WDPCP: variants seen among roughly 807,000 people sequenced by gnomAD.
WDPCP encodes WD repeat containing planar cell polarity effector, also known as WD repeat-containing and planar cell polarity effector protein fritz homolog.
In WDPCP, 71 loss-of-function variants were observed where a neutral mutation model predicts 93.1. The ratio of observed to expected loss-of-function variants is 0.76; its 90% CI spans 0.63 to 0.93. The LOEUF (loss-of-function observed/expected upper bound fraction) is 0.93. Ranked by LOEUF, WDPCP falls within the 40% of genes least tolerant of loss-of-function variation. The pLI is 0.00. For missense variants in WDPCP, 844 were observed against 887.4 expected (o/e 0.95, Z 0.62); for synonymous variants, 315 against 315.0 (o/e 1.00, Z 0.00).
At chr2:63,793,722 G>A (rs1670576005) in intron 2 of WDPCP, among the ~76,000 whole-genome samples, 1 of 152,170 alleles carries the variant, frequency 6.6e-6, no homozygotes, top group South Asian at 2.1e-4. Context: ...GACTGAAAAT[G>A]ACTATGAATG....
chr2:63,357,479 G>C (rs2104616952), intron 12 of WDPCP, among the ~76,000 whole-genome samples: 1 of 152,122 alleles, frequency 6.6e-6, no homozygotes, highest in East Asian at 1.9e-4. Context: ...CTCAAAAGAA[G>C]ACATACATGC....
chr2:63,286,513 C>T lies in WDPCP; in HGVS notation c.1812+26735G>A, dbSNP rs1350341113. The stretch of plus-strand genomic sequence containing the variant: ...CCCAAAACATTGCTCCTAACTCCAC[C>T]GCCTATCCCAAAACCTGTAAGAACT... On this transcript the variant is annotated intron_variant, in intron 13 of 17. Transcript: ENST00000272321. 2.6e-5 allele frequency among the ~76,000 whole-genome samples: 4 copies of T among 152,272 alleles called. No individual in the cohort carries two copies. In the South Asian group the frequency reaches 6.2e-4, roughly 24 times the overall value.
At chr2:63,347,085 G>A (rs1311106582) in intron 12 of WDPCP, among the ~76,000 whole-genome samples, 1 of 152,092 alleles carries the variant, frequency 6.6e-6, no homozygotes, top group Non-Finnish European at 1.5e-5. Flanking sequence ...AATAGCCACA[G>A]TAACAACAAC....
At chr2:63,494,060 A>G (rs1701056343) in intron 1 of WDPCP, among the ~76,000 whole-genome samples, 1 of 152,088 alleles carries the variant, frequency 6.6e-6, no homozygotes, top group South Asian at 2.1e-4. Context: ...TCATCCTTAC[A>G]TTTATTTGAC....
At chr2:63,397,275 C>T (rs369967473) in intron 10 of WDPCP, among the ~76,000 whole-genome samples, 8 of 152,186 alleles carry the variant, frequency 5.3e-5, no homozygotes, top group Non-Finnish European at 8.8e-5. Flanking sequence ...GATTCTAGAA[C>T]GACTTTTGAC....
rs185024497 is a variant in WDPCP, at chr2:63,635,338, T to C, written n.488+15321A>G. Among the ~76,000 whole-genome samples the C allele has an allele frequency of 6.2e-3, 950 of 152,186 alleles. 5 individuals are homozygous for C. Among genetic ancestry groups the C allele is most frequent in the Non-Finnish European group, 0.01 (713 of 67,988 alleles). On this transcript the variant is annotated intron_variant and non_coding_transcript_variant, in intron 3 of 4. Transcript: ENST00000467687. ...TCTTTCTCAAACTCTTCCAGAAAAT[T>C]GAAGAGGAGAGAACACTTCCAACCT...
intron 12 of WDPCP, among the ~76,000 whole-genome samples, chr2:63,360,540 T>C (rs2104652731): frequency 6.6e-6 from 1 of 152,376 alleles, no homozygotes; most frequent in Admixed American, 6.5e-5. Flanking sequence ...ATCCAGTGAA[T>C]AATCTCCATT....
intron 1 of WDPCP, among the ~76,000 whole-genome samples, chr2:63,577,824 T>A (rs1471615199): frequency 6.6e-6 from 1 of 152,206 alleles, no homozygotes; most frequent in Non-Finnish European, 1.5e-5. Context: ...GTTAATGTAT[T>A]TAAATTTTTT....
chr2:63,702,345 G>A (rs1337487505), intron 2 of WDPCP, among the ~76,000 whole-genome samples: 1 of 152,120 alleles, frequency 6.6e-6, no homozygotes, highest in Non-Finnish European at 1.5e-5. Flanking sequence ...TATTTAAGGT[G>A]ATGGATCTTC....
At chr2:63,722,484 T>C (rs1669432636) in intron 2 of WDPCP, among the ~76,000 whole-genome samples, 1 of 142,416 alleles carries the variant, frequency 7.0e-6, no homozygotes, top group Non-Finnish European at 1.5e-5. Flanking sequence ...GAGGAGCCCC[T>C]CCGCCCGGCA....
intron 1 of WDPCP, among the ~76,000 whole-genome samples, chr2:63,825,560 TATTCTCTGCTAACAAACTAC>T (rs1170448632): frequency 7.2e-6 from 1 of 139,392 alleles, no homozygotes; most frequent in Non-Finnish European, 1.6e-5. Context: ...TCCCACTCTC[TATTCTCTGCTAACAAACTAC>T]ATTCTTCTGC....
chr2:63,338,182 G>A (rs1471355630), intron 12 of WDPCP, among the ~76,000 whole-genome samples: 1 of 152,110 alleles, frequency 6.6e-6, no homozygotes, highest in Non-Finnish European at 1.5e-5. Flanking sequence ...TGTGTATGGT[G>A]AGAGATGGGG....
chr2:63,687,774 G>A, intron 2 of WDPCP, among the ~76,000 whole-genome samples: 1 of 152,150 alleles, frequency 6.6e-6, no homozygotes, highest in East Asian at 1.9e-4. Flanking sequence ...AGAACAGTTT[G>A]GAGGTTCCTC....
At chr2:63,361,095 AAGG>A (rs1284434628) in intron 12 of WDPCP, among the ~76,000 whole-genome samples, 1 of 152,340 alleles carries the variant, frequency 6.6e-6, no homozygotes, top group East Asian at 1.9e-4. Flanking sequence ...AGATGGAAGA[AAGG>A]AGAAGGACCA....
At chr2:63,137,080 GGGA>G (rs1670675095) in intron 17 of WDPCP, among the ~76,000 whole-genome samples, 1 of 152,134 alleles carries the variant, frequency 6.6e-6, no homozygotes, top group South Asian at 2.1e-4. Flanking sequence ...ACTCAGTAAT[GGGA>G]TTGCTGGGTC....
intron 9 of WDPCP, among the ~76,000 whole-genome samples, chr2:63,433,279 GAA>G (rs906866750): frequency 1.3e-5 from 2 of 152,164 alleles, no homozygotes; most frequent in Non-Finnish European, 2.9e-5. Flanking sequence ...ACTGAAGTCT[GAA>G]GAGAGTAATT....
chr2:63,406,872 A>G (rs745481287), intron 9 of WDPCP, among the ~76,000 whole-genome samples: 3 of 152,120 alleles, frequency 2.0e-5, no homozygotes, highest in African/African-American at 4.8e-5. Context: ...TCATGGCTTC[A>G]GGGGAGAAAG....
At chr2:63,784,233 A>C (rs1022587025) in intron 2 of WDPCP, among the ~76,000 whole-genome samples, 1 of 152,154 alleles carries the variant, frequency 6.6e-6, no homozygotes, top group South Asian at 2.1e-4. Context: ...TACTCTGAGC[A>C]GCCAGTATCA....
chr2:63,636,440 A>AT (rs1473230839), intron 3 of WDPCP, among the ~76,000 whole-genome samples: 1 of 151,938 alleles, frequency 6.6e-6, no homozygotes, highest in Non-Finnish European at 1.5e-5. Flanking sequence ...CACTTCCTTT[A>AT]TTTTTTTGAC....
Sources: allele counts gnomAD v4.1 joint callset (sites outside exome capture counted in the v4.1 genomes callset), GRCh38; gene constraint gnomAD v4.1.1; transcripts MANE v1.5; gene names NCBI Gene and HGNC (gene_info 2026-07-23, HGNC 2026-07-21).